DGKI: variants seen among roughly 807,000 people sequenced by gnomAD.
DGKI encodes DAG kinase iota.
Under a neutral mutation model 147.5 loss-of-function variants are expected in DGKI, and 55 were observed. The observed-to-expected ratio is 0.37, with a 90% CI of 0.30 to 0.47. The LOEUF is 0.47. Ranked by LOEUF, DGKI falls within the 20% of genes least tolerant of loss-of-function variation. The pLI, the probability that DGKI is intolerant of heterozygous loss-of-function variation, is 1.00. For synonymous variants in DGKI, 469 were observed against 477.1 expected, an observed-to-expected ratio of 0.98 and a Z score of 0.22; for missense variants, 1,007 against 1,323.8, an observed-to-expected ratio of 0.76 and a Z score of 3.71.
intron 1 of DGKI, among the ~76,000 whole-genome samples, chr7:137,845,652 G>A (rs545857757): frequency 7.2e-5 from 11 of 152,250 alleles, no homozygotes; most frequent in African/African-American, 2.6e-4. Context: ...ATTCCTCGTT[G>A]TTGGATTCTA....
chr7:137,467,391 T>C (rs1043270947), intron 24 of DGKI, among the ~76,000 whole-genome samples: 2 of 152,224 alleles, frequency 1.3e-5, no homozygotes, highest in Non-Finnish European at 2.9e-5. Flanking sequence ...AATTAGCAAA[T>C]GATCTTAAAG....
At chr7:137,411,078 C>T (rs997604490) in intron 29 of DGKI, among the ~76,000 whole-genome samples, 2 of 152,168 alleles carry the variant, frequency 1.3e-5, no homozygotes, top group African/African-American at 2.4e-5. Flanking sequence ...CCAACAGATG[C>T]GCCTAAAAAA....
intron 1 of DGKI, among the ~76,000 whole-genome samples, chr7:137,780,130 G>A (rs28534486): frequency 0.022 from 3,364 of 152,216 alleles, 143 homozygotes; most frequent in African/African-American, 0.078. Flanking sequence ...TTGAAAGGCG[G>A]TCAGAGACAT....
intron 1 of DGKI, among the ~76,000 whole-genome samples, chr7:137,748,858 T>G (rs972478842): frequency 2.6e-5 from 4 of 152,164 alleles, no homozygotes; most frequent in Admixed American, 6.5e-5. Flanking sequence ...GGAAAAGAAT[T>G]TATAACTGGG....
chr7:137,784,462 CA>C (rs1796607749), intron 1 of DGKI, among the ~76,000 whole-genome samples: 1 of 151,932 alleles, frequency 6.6e-6, no homozygotes, highest in African/African-American at 2.4e-5. Flanking sequence ...CTGGAGCTCC[CA>C]AATTTATAAA....
At chr7:137,792,321 A>G (rs1231766942) in intron 1 of DGKI, among the ~76,000 whole-genome samples, 1 of 152,218 alleles carries the variant, frequency 6.6e-6, no homozygotes, top group East Asian at 1.9e-4. Context: ...TTATATGTAT[A>G]ATAGAAATCA....
intron 1 of DGKI, among the ~76,000 whole-genome samples, chr7:137,785,367 G>C (rs1421483212): frequency 6.6e-6 from 1 of 151,382 alleles, no homozygotes; most frequent in Non-Finnish European, 1.5e-5. Context: ...AAACCTGGAG[G>C]AGATAAATTT....
chr7:137,664,743 G>GA (rs1230610278), intron 3 of DGKI, among the ~76,000 whole-genome samples: 1 of 152,092 alleles, frequency 6.6e-6, no homozygotes, highest in Non-Finnish European at 1.5e-5. Flanking sequence ...GCCCAGCCCT[G>GA]AAAAATTGTT....
chr7:137,494,702 T>A (rs1852641), intron 21 of DGKI, among the ~76,000 whole-genome samples: 34 of 152,156 alleles, frequency 2.2e-4, no homozygotes, highest in African/African-American at 7.7e-4. Flanking sequence ...AGGTCATTAC[T>A]GGCCACTACA....
chr7:137,803,675 T>C (rs1233976067), intron 1 of DGKI, among the ~76,000 whole-genome samples: 1 of 152,208 alleles, frequency 6.6e-6, no homozygotes, highest in Non-Finnish European at 1.5e-5. Context: ...CTCCACTTAC[T>C]TAAGAATTTC....
At chr7:137,486,290 T>C (rs1815556078) in intron 22 of DGKI, among the ~76,000 whole-genome samples, 1 of 152,122 alleles carries the variant, frequency 6.6e-6, no homozygotes, top group South Asian at 2.1e-4. Context: ...AGTCAATTCA[T>C]CAATCGTGTA....
At chr7:137,759,342 T>C (rs1795785444) in intron 1 of DGKI, among the ~76,000 whole-genome samples, 1 of 152,066 alleles carries the variant, frequency 6.6e-6, no homozygotes, top group African/African-American at 2.4e-5. Flanking sequence ...TTCTTTTTTT[T>C]TTTTCTTTAT....
Position 137,466,018 on chromosome 7 carries a change from C to T in DGKI, c.2502G>A (p.Val834=), listed in dbSNP as rs1478444011. The change falls in exon 26 of 33, where the codon GTG becomes GTA. Residue 834 remains valine, a synonymous_variant. Transcript: ENST00000614521. ...IDRSQEHLHF[V]MEISQDEIFI... ...AAATCTCATCTTGGGAAATCTCCAT[C>T]ACAAAGTGCAAATGTTCCTAAAGAA... 1 of 1,613,906 alleles carries T rather than the reference C, an allele frequency of 6.2e-7. No individual in the cohort carries two copies. Among genetic ancestry groups the T allele is most frequent in the African/African-American group, 1.3e-5 (1 of 75,056 alleles).
chr7:137,507,414 A>T (rs1816404011), intron 21 of DGKI, among the ~76,000 whole-genome samples: 1 of 152,206 alleles, frequency 6.6e-6, no homozygotes, highest in Non-Finnish European at 1.5e-5. Context: ...TTGGGTTTCC[A>T]AGTACAGATC....
At chr7:137,395,778 T>G (rs1811528115) in intron 31 of DGKI, 81 bp from the exon 32 acceptor site, 1 of 1,313,238 alleles carries the variant, frequency 7.6e-7, no homozygotes, top group African/African-American at 1.4e-5. Flanking sequence ...TGATGTAGGG[T>G]GCTCCTCAGC....
chr7:137,415,667 C>G (rs1812331968), intron 28 of DGKI, among the ~76,000 whole-genome samples: 1 of 152,170 alleles, frequency 6.6e-6, no homozygotes, highest in Admixed American at 6.5e-5. Flanking sequence ...CCTTGTAACA[C>G]ACACAGAAGT....
At chr7:137,773,466 T>C (rs998649004) in intron 1 of DGKI, among the ~76,000 whole-genome samples, 13 of 152,164 alleles carry the variant, frequency 8.5e-5, no homozygotes, top group Non-Finnish European at 1.8e-4. Context: ...ACCTGGTGAC[T>C]CTGAGGGACC....
chr7:137,653,111 T>C (rs1822092009), intron 5 of DGKI, among the ~76,000 whole-genome samples: 2 of 152,214 alleles, frequency 1.3e-5, no homozygotes, highest in African/African-American at 4.8e-5. Flanking sequence ...CAGGTGTGTG[T>C]GTGTGTGTAT....
chr7:137,428,287 C>G (rs1419593446), intron 28 of DGKI, among the ~76,000 whole-genome samples: 2 of 152,034 alleles, frequency 1.3e-5, no homozygotes, highest in Admixed American at 1.3e-4. Flanking sequence ...ATAAACAGAA[C>G]CAAAGACAAA....
Sources: gnomAD v4.1 joint callset for allele counts (sites outside exome capture counted in the v4.1 genomes callset) on GRCh38, gnomAD v4.1.1 for gene constraint, MANE v1.5 for transcripts, NCBI Gene and HGNC (gene_info 2026-07-23, HGNC 2026-07-21) for gene names.